Variants in RABGAP1 observed in about 807,000 individuals in gnomAD.
RABGAP1 encodes RAB GTPase activating protein 1.
In RABGAP1, 23 loss-of-function variants were observed where a neutral mutation model predicts 137.6. That is an observed-to-expected ratio of 0.17 (90% CI 0.12 to 0.24). RABGAP1 has a LOEUF of 0.24. RABGAP1 is among the 10% of genes least tolerant of loss of function. RABGAP1 has a pLI of 1.00. For synonymous variants in RABGAP1, 451 were observed against 450.7 expected, an observed-to-expected ratio of 1.00 and a Z score of -0.01; for missense variants, 906 against 1,275.8, an observed-to-expected ratio of 0.71 and a Z score of 4.42.
At chr9:123,053,614 G>C (rs2033578011) in intron 13 of RABGAP1, among the ~76,000 whole-genome samples, 2 of 152,150 alleles carry the variant, frequency 1.3e-5, no homozygotes, top group South Asian at 4.1e-4. Context: ...TGTAAAGATA[G>C]GACATGGTAT....
intron 18 of RABGAP1, 127 bp from the exon 19 acceptor site, chr9:123,076,507 C>G (rs1009010623): frequency 4.8e-5 from 58 of 1,205,410 alleles, no homozygotes; most frequent in Non-Finnish European, 6.5e-5. Context: ...GCAGGTGGCT[C>G]TGACAAAAGC....
chr9:123,002,508 G>A (rs1385377090), intron 10 of RABGAP1, among the ~76,000 whole-genome samples: 1 of 151,264 alleles, frequency 6.6e-6, no homozygotes, highest in African/African-American at 2.4e-5. Context: ...CCCTGATCTT[G>A]CATTTCCTTT....
intron 10 of RABGAP1, among the ~76,000 whole-genome samples, chr9:123,003,225 AG>A (rs879302099): frequency 7.2e-5 from 11 of 152,170 alleles, no homozygotes; most frequent in Non-Finnish European, 1.2e-4. Context: ...TTAAAATCTT[AG>A]GTAGTTTTCA....
intron 13 of RABGAP1, among the ~76,000 whole-genome samples, chr9:123,049,979 G>A (rs1019210690): frequency 1.8e-4 from 28 of 152,240 alleles, no homozygotes; most frequent in Non-Finnish European, 4.4e-5. Flanking sequence ...ATTAGTAAGT[G>A]GGAGAGGCAG....
At chr9:122,993,755 C>G (rs996079253) in intron 6 of RABGAP1, among the ~76,000 whole-genome samples, 8 of 152,204 alleles carry the variant, frequency 5.3e-5, no homozygotes, top group Admixed American at 1.3e-4. Context: ...CCTCTGCCTC[C>G]CAGGTTCAAG....
At chr9:123,013,706 A>G (rs2031002711) in intron 11 of RABGAP1, among the ~76,000 whole-genome samples, 1 of 152,146 alleles carries the variant, frequency 6.6e-6, no homozygotes, top group Admixed American at 6.5e-5. Flanking sequence ...TCTGTGTCTC[A>G]CCAGCAAAAC....
intron 2 of RABGAP1, among the ~76,000 whole-genome samples, chr9:122,977,694 T>C (rs569634555): frequency 6.6e-6 from 1 of 152,048 alleles, no homozygotes; most frequent in East Asian, 1.9e-4. Context: ...GGCGGCAGAA[T>C]GAGACTGTGT....
At chr9:123,087,490 G>T (rs531379770) in intron 19 of RABGAP1, among the ~76,000 whole-genome samples, 1 of 152,290 alleles carries the variant, frequency 6.6e-6, no homozygotes, top group Admixed American at 6.5e-5. Flanking sequence ...TGTTAGGATT[G>T]TCTATACACT....
intron 1 of RABGAP1, chr9:122,945,335 G>C (rs1833892785): frequency 1.3e-5 from 2 of 151,802 alleles, no homozygotes; most frequent in Non-Finnish European, 2.9e-5. Context: ...TGTGCAGACT[G>C]ACCAAATATG....
At chr9:123,029,737 T>C (rs1179586797) in intron 13 of RABGAP1, 6 of 631,960 alleles carry the variant, frequency 9.5e-6, no homozygotes, top group Non-Finnish European at 1.5e-5. Context: ...CTTCTTCTTG[T>C]AGTCCTTGGG....
At chr9:122,957,770 T>A (rs1034636630) in intron 2 of RABGAP1, among the ~76,000 whole-genome samples, 1 of 152,210 alleles carries the variant, frequency 6.6e-6, no homozygotes. Flanking sequence ...TAACATCTTT[T>A]CTTGCAACAA....
rs770786681 is a variant in RABGAP1 at position 122,988,723 on chromosome 9, G to A, written c.591-574G>A. ...AGCACTTTGGGAGGCCTAGGTGGGC[G>A]GATCACCTGAGGTCGGAAGATTGAG... On this transcript the variant is annotated intron_variant, in intron 4 of 25. Coordinates refer to ENST00000373647, the MANE Select transcript of RABGAP1 (RefSeq NM_012197.4). 1.3e-4 allele frequency among the ~76,000 whole-genome samples: 19 copies of A among 151,806 alleles called. 1 individual carries two copies. The highest frequency in any genetic ancestry group is 2.1e-4 in the Non-Finnish European group (14 of 67,956).
intron 13 of RABGAP1, among the ~76,000 whole-genome samples, chr9:123,028,824 A>G (rs2032134275): frequency 6.6e-6 from 1 of 152,196 alleles, no homozygotes; most frequent in Non-Finnish European, 1.5e-5. Flanking sequence ...GAAATTGGGC[A>G]ATTTAACATT....
At chr9:122,989,766 A>G in intron 5 of RABGAP1, 1 of 519,056 alleles carries the variant, frequency 1.9e-6, no homozygotes, top group Non-Finnish European at 3.4e-6. Context: ...TTTAAATCAA[A>G]ACTTGTTAGG....
At chr9:123,049,286 G>A (rs544476429) in intron 13 of RABGAP1, among the ~76,000 whole-genome samples, 1 of 151,558 alleles carries the variant, frequency 6.6e-6, no homozygotes, top group Non-Finnish European at 1.5e-5. Flanking sequence ...AGCATATGGT[G>A]TTTTTTGTTG....
rs149222151 is a variant in RABGAP1, at chr9:123,006,171, G to A, written c.1375-4183G>A. Among the ~76,000 whole-genome samples, 98 of 152,138 alleles carry A rather than the reference G, an allele frequency of 6.4e-4. 1 individual carries two copies. The East Asian group carries it at 0.017, about 26-fold the overall frequency. ...CTTACATCATGGTGATTCTTTTTGG[G>A]TTTGTCATGCAGTTTCTTCTTATGT... On this transcript the variant is annotated intron_variant, in intron 10 of 25. Transcript: ENST00000373647.
chr9:122,950,377 C>CTTTTTTTTTTTTTTTTTTTTTTTTTTGT (rs200424486), intron 1 of RABGAP1, among the ~76,000 whole-genome samples: 4 of 74,494 alleles, frequency 5.4e-5, no homozygotes, highest in Non-Finnish European at 9.5e-5. Context: ...CTTTTTCTTT[C>CTTTTTTTTTTTTTTTTTTTTTTTTTTGT]TTTTTTTTTT....
intron 4 of RABGAP1, among the ~76,000 whole-genome samples, chr9:122,988,276 G>A (rs780848654): frequency 1.3e-5 from 2 of 152,104 alleles, no homozygotes; most frequent in South Asian, 2.1e-4. Flanking sequence ...AGGTATTTCC[G>A]TGATGAGCAA....
chr9:123,069,621 C>G (rs1208181457), intron 14 of RABGAP1, among the ~76,000 whole-genome samples: 2 of 150,548 alleles, frequency 1.3e-5, no homozygotes, highest in African/African-American at 2.4e-5. Flanking sequence ...TGGCTCACAC[C>G]TGTAATCCCA....
Sources: allele counts gnomAD v4.1 joint callset (sites outside exome capture counted in the v4.1 genomes callset), GRCh38; gene constraint gnomAD v4.1.1; transcripts MANE v1.5; gene names NCBI Gene and HGNC (gene_info 2026-07-23, HGNC 2026-07-21).